DPP6: variants seen among roughly 807,000 people sequenced by gnomAD.
The protein encoded by DPP6 is A-type potassium channel modulatory protein DPP6.
DPP6 carries 69 observed loss-of-function variants against 122.6 expected under a neutral mutation model. The ratio of observed to expected loss-of-function variants is 0.56; its 90% confidence interval spans 0.46 to 0.69. The LOEUF (loss-of-function observed/expected upper bound fraction) is 0.69, where lower values mean the gene tolerates loss of function less well. Among genes scored for constraint, DPP6 ranks in the 30% least tolerant of loss-of-function variants. The probability of loss-of-function intolerance (pLI) is 0.00; values close to 1 mark genes in which losing one functional copy is unlikely to be tolerated. For synonymous variants in DPP6, 418 were observed against 433.1 expected (o/e 0.97, Z 0.43); for missense variants, 928 against 1,116.9 (o/e 0.83, Z 2.41).
intron 8 of DPP6, among the ~76,000 whole-genome samples, chr7:154,756,787 G>A (rs4960604): frequency 8.5e-5 from 13 of 152,088 alleles, no homozygotes; most frequent in African/African-American, 2.9e-4. Context: ...TTCAGCTCGC[G>A]AGATATTCCT....
chr7:154,016,263 G>A (rs573819038), intron 1 of DPP6, among the ~76,000 whole-genome samples: 108 of 152,112 alleles, frequency 7.1e-4, no homozygotes, highest in Middle Eastern at 6.8e-3. Context: ...AAATACTGAC[G>A]GATTTTCATT....
At chr7:154,137,650 T>TGGGGGGGGGGGGGGGGGGGG (rs1419049474) in intron 1 of DPP6, among the ~76,000 whole-genome samples, 2 of 10,062 alleles carry the variant, frequency 2.0e-4, no homozygotes, top group African/African-American at 3.7e-4. Context: ...GTGGGGGGGG[T>TGGGGGGGGGGGGGGGGGGGG]GGGGGGGTGG....
intron 1 of DPP6, among the ~76,000 whole-genome samples, chr7:154,405,753 C>T (rs962983792): frequency 6.6e-6 from 1 of 152,182 alleles, no homozygotes; most frequent in Non-Finnish European, 1.5e-5. Flanking sequence ...GCTCTCAGAT[C>T]TGCAGGACTG....
chr7:153,966,931 G>T (rs929154791), intron 1 of DPP6, among the ~76,000 whole-genome samples: 1 of 151,490 alleles, frequency 6.6e-6, no homozygotes, highest in African/African-American at 2.4e-5. Context: ...GCTGAGCTTA[G>T]TGTCATCTGC....
the DPP6 span, among the ~76,000 whole-genome samples, chr7:153,793,395 C>T: frequency 8.9e-3 from 1,117 of 125,356 alleles, 65 homozygotes; most frequent in African/African-American, 0.031. Flanking sequence ...TTTGCCCCTG[C>T]CCTAGGGATT....
intron 1 of DPP6, among the ~76,000 whole-genome samples, chr7:154,091,018 G>C (rs1484898474): frequency 6.6e-6 from 1 of 151,620 alleles, no homozygotes; most frequent in Non-Finnish European, 1.5e-5. Flanking sequence ...CTACTCGGGA[G>C]GCTGAGGCAG....
chr7:154,660,505 G>C (rs1199733234), intron 6 of DPP6, among the ~76,000 whole-genome samples: 6 of 148,016 alleles, frequency 4.1e-5, no homozygotes, highest in Non-Finnish European at 8.9e-5. Context: ...TGTTCATATA[G>C]TCATGGTGAA....
intron 1 of DPP6, among the ~76,000 whole-genome samples, chr7:154,071,786 T>G (rs368668932): frequency 2.0e-5 from 3 of 152,234 alleles, no homozygotes; most frequent in East Asian, 3.8e-4. Flanking sequence ...TGTCTTCAAA[T>G]GAGAGTAAAA....
chr7:154,754,665 AC>A (rs1297244329), intron 8 of DPP6, among the ~76,000 whole-genome samples: 1 of 152,250 alleles, frequency 6.6e-6, no homozygotes, highest in Non-Finnish European at 1.5e-5. Context: ...ACATGTGAAG[AC>A]ACATGCACAC....
chr7:154,112,653 A>G (rs2150588306), intron 1 of DPP6, among the ~76,000 whole-genome samples: 1 of 149,326 alleles, frequency 6.7e-6, no homozygotes, highest in East Asian at 2.0e-4. Flanking sequence ...TCAAAAAAAG[A>G]AAAAAAAAAG....
chr7:154,026,658 C>T (rs557856716), intron 1 of DPP6: 25 of 151,690 alleles, frequency 1.6e-4, no homozygotes, highest in Admixed American at 8.5e-4. Flanking sequence ...GATCCCTGGA[C>T]GTGACTTCTT....
At chr7:154,183,734 G>C (rs985948104) in intron 1 of DPP6, among the ~76,000 whole-genome samples, 5 of 152,178 alleles carry the variant, frequency 3.3e-5, no homozygotes, top group African/African-American at 1.2e-4. Context: ...CACAACACCG[G>C]ATAGAAACCC....
At chr7:154,212,997 A>C (rs1004721221) in intron 1 of DPP6, among the ~76,000 whole-genome samples, 1 of 152,134 alleles carries the variant, frequency 6.6e-6, no homozygotes, top group African/African-American at 2.4e-5. Flanking sequence ...AGGGCATTGG[A>C]GCACACCATG....
intron 1 of DPP6, among the ~76,000 whole-genome samples, chr7:154,079,629 T>G (rs1198417674): frequency 6.6e-6 from 1 of 151,212 alleles, no homozygotes; most frequent in Non-Finnish European, 1.5e-5. Flanking sequence ...TGGGCCAGGG[T>G]TGGGAGGGTG....
chr7:154,345,862 G>C (rs2151070185), intron 1 of DPP6, among the ~76,000 whole-genome samples: 1 of 152,316 alleles, frequency 6.6e-6, no homozygotes, highest in East Asian at 1.9e-4. Context: ...TCATTCCAGA[G>C]CAAGCCCTGC....
intron 1 of DPP6, among the ~76,000 whole-genome samples, chr7:154,100,345 GT>G (rs1194648046): frequency 1.1e-5 from 1 of 93,544 alleles, no homozygotes; most frequent in Non-Finnish European, 2.1e-5. Flanking sequence ...GTCTTTGCCT[GT>G]TTCCTTTTCT....
intron 16 of DPP6, among the ~76,000 whole-genome samples, chr7:154,824,494 G>T (rs1198124724): frequency 6.6e-6 from 1 of 152,150 alleles, no homozygotes; most frequent in African/African-American, 2.4e-5. Context: ...GGCCAGGCTG[G>T]TCTCAAACTC....
chr7:153,800,159 T>G, the DPP6 span, among the ~76,000 whole-genome samples: 1 of 152,214 alleles, frequency 6.6e-6, no homozygotes, highest in Non-Finnish European at 1.5e-5. Flanking sequence ...AGTCAAGATA[T>G]GGCATCAACC....
At chr7:154,055,718 C>G (rs1167772314) in intron 1 of DPP6, 1 of 152,230 alleles carries the variant, frequency 6.6e-6, no homozygotes, top group African/African-American at 2.4e-5. Context: ...GGTGCTGAAA[C>G]CTTCTCTTGG....
Sources: gnomAD v4.1 joint callset for allele counts (sites outside exome capture counted in the v4.1 genomes callset) on GRCh38, gnomAD v4.1.1 for gene constraint, MANE v1.5 for transcripts, NCBI Gene and HGNC (gene_info 2026-07-23, HGNC 2026-07-21) for gene names.